BBOF1: variants seen among roughly 807,000 people sequenced by gnomAD.
The protein encoded by BBOF1 is basal body-orientation factor 1.
Under a neutral mutation model 68.0 loss-of-function variants are expected in BBOF1, and 62 were observed. The observed-to-expected ratio is 0.91, with a 90% CI of 0.74 to 1.13. BBOF1 has a LOEUF of 1.13. Ranked by LOEUF, BBOF1 falls within the 50% of genes most tolerant of loss-of-function variation. The probability of loss-of-function intolerance (pLI) is 0.00; values close to 1 mark genes in which losing one functional copy is unlikely to be tolerated. For missense variants in BBOF1, 534 were observed against 600.1 expected (o/e 0.89, Z 1.15); for synonymous variants, 208 against 198.8 (o/e 1.05, Z -0.39).
intron 3 of BBOF1, among the ~76,000 whole-genome samples, chr14:74,033,736 G>C (rs2059630660): frequency 6.6e-6 from 1 of 152,052 alleles, no homozygotes; most frequent in Non-Finnish European, 1.5e-5. Context: ...AATCAGCCAG[G>C]CATGGTGGCG....
At chr14:74,046,475 C>T (rs1434088414) in intron 6 of BBOF1, among the ~76,000 whole-genome samples, 2 of 152,032 alleles carry the variant, frequency 1.3e-5, no homozygotes, top group Admixed American at 6.6e-5. Context: ...CGAGTTCAGG[C>T]GATTCTCATG....
Position 74,065,323 on chromosome 14 carries a change from G to A in BBOF1, c.*624G>A, listed in dbSNP as rs2060443901. ...TTCTGTCTCCAGAACCACAAGAACT[G>A]GACCAAAAATCTCCTCTTTGTAACA... is the stretch of plus-strand genomic sequence containing the variant. On this transcript the variant is annotated 3_prime_UTR_variant, in exon 12 of 12. Transcript: ENST00000394009. 6.2e-7 allele frequency: 1 copy of A among 1,613,904 alleles called. No homozygotes were observed. Among genetic ancestry groups the A allele is most frequent in the African/African-American group, 1.3e-5 (1 of 74,898 alleles).
downstream of BBOF1, among the ~76,000 whole-genome samples, chr14:74,067,957 T>G (rs1438419865): frequency 1.3e-5 from 2 of 149,734 alleles, no homozygotes; most frequent in East Asian, 4.0e-4. Flanking sequence ...AACAGGAATT[T>G]GTTGTCTGCT....
chr14:74,045,465 A>G (rs1777855087), intron 5 of BBOF1, among the ~76,000 whole-genome samples: 1 of 151,256 alleles, frequency 6.6e-6, no homozygotes. Context: ...ATGTGCCACC[A>G]CACTGGGCTA....
At chr14:74,076,713 AT>A (rs979275694) in intron 9 of BBOF1, among the ~76,000 whole-genome samples, 1 of 151,222 alleles carries the variant, frequency 6.6e-6, no homozygotes, top group African/African-American at 2.4e-5. Context: ...ATTTTATTTT[AT>A]TTTTTTTGTA....
intron 3 of BBOF1, 63 bp downstream of exon 3, chr14:74,029,312 G>T: frequency 9.6e-7 from 1 of 1,037,288 alleles, no homozygotes; most frequent in Non-Finnish European, 1.5e-6. Flanking sequence ...GCAAGCTCAG[G>T]TATTTAAGAC....
At chr14:74,082,152 T>A (rs2060674575) in intron 12 of BBOF1, among the ~76,000 whole-genome samples, 1 of 152,064 alleles carries the variant, frequency 6.6e-6, no homozygotes, top group South Asian at 2.1e-4. Flanking sequence ...CTGCTGTGAG[T>A]TGTGATTGCA....
At chr14:74,036,442 G>A (rs1018437659) in intron 4 of BBOF1, among the ~76,000 whole-genome samples, 1 of 152,008 alleles carries the variant, frequency 6.6e-6, no homozygotes, top group Non-Finnish European at 1.5e-5. Context: ...TAGCACTTTG[G>A]GAGTCCAAGG....
rs147441946 is a variant in BBOF1 at position 74,022,211 on chromosome 14, A to T, written c.57-705A>T. Among the ~76,000 whole-genome samples, 846 of 149,718 alleles carry T rather than the reference A, an allele frequency of 5.7e-3. 22 individuals carry two copies. Among genetic ancestry groups the T allele is most frequent in the Admixed American group, 0.042 (633 of 14,998 alleles). On this transcript the variant is annotated intron_variant, in intron 1 of 11. Transcript: ENST00000394009. ...AACATAGTGGGACCCCATCTCTATT[A>T]AAAAAAAAATAAATATGGGAGAATC...
chr14:74,064,965 T>C lies in BBOF1; in HGVS notation c.*266T>C, dbSNP rs1206909725. ...TGTCATATCCTAAGGACAAAGGAACTCTCCATTTAGAAACACAAAGGCATC... is the reference window on the plus strand; with the variant it reads ...TGTCATATCCTAAGGACAAAGGAACCCTCCATTTAGAAACACAAAGGCATC... On this transcript the variant is annotated 3_prime_UTR_variant, in exon 12 of 12. Transcript: ENST00000394009. 1 of 1,565,866 alleles carries C rather than the reference T, an allele frequency of 6.4e-7. No individual in the cohort carries two copies. The highest frequency in any genetic ancestry group is 1.4e-5 in the African/African-American group (1 of 73,882).
intron 1 of BBOF1, among the ~76,000 whole-genome samples, chr14:74,019,855 G>C (rs1453775781): frequency 6.6e-6 from 1 of 152,234 alleles, no homozygotes; most frequent in Admixed American, 6.5e-5. Context: ...AGCCACTGAG[G>C]TGGGTAATGT....
chr14:74,067,615 C>G (rs776066606), downstream of BBOF1: 4 of 1,596,694 alleles, frequency 2.5e-6, no homozygotes, highest in African/African-American at 1.3e-5. Flanking sequence ...TGGCCAAATA[C>G]AACTAAGCTA....
intron 11 of BBOF1, chr14:74,059,150 C>A: frequency 5.4e-6 from 1 of 183,984 alleles, no homozygotes. Flanking sequence ...ACTGTCAAAG[C>A]ATTTTTTTTT....
Position 74,049,688 on chromosome 14 carries a change from C to T in BBOF1, c.793-14C>T, listed in dbSNP as rs775830677. 13 of 1,560,194 alleles carry T rather than the reference C, an allele frequency of 8.3e-6. No homozygotes were observed. Among genetic ancestry groups the T allele is most frequent in the African/African-American group, 1.4e-5 (1 of 72,186 alleles). ...AAAGAAAAAAAAAATCACCTCTCAT[C>T]TTTCTGTTTTTAGGAGATCAATGAT... is the stretch of plus-strand genomic sequence containing the variant. On this transcript the variant is annotated splice_polypyrimidine_tract_variant and intron_variant, in intron 7 of 11. Transcript: ENST00000394009.
At chr14:74,062,838 A>C (rs1222873750) in intron 11 of BBOF1, among the ~76,000 whole-genome samples, 3 of 152,140 alleles carry the variant, frequency 2.0e-5, no homozygotes, top group South Asian at 4.1e-4. Context: ...AAAAGGGGAG[A>C]CTTGTATAAC....
intron 5 of BBOF1, among the ~76,000 whole-genome samples, chr14:74,042,879 G>C (rs200542441): frequency 1.2e-4 from 17 of 143,646 alleles, no homozygotes; most frequent in South Asian, 4.5e-4. Flanking sequence ...CACACACACA[G>C]ACACACACAC....
At chr14:74,047,109 AAAAT>A (rs984649756) in intron 6 of BBOF1, among the ~76,000 whole-genome samples, 1 of 152,218 alleles carries the variant, frequency 6.6e-6, no homozygotes, top group Non-Finnish European at 1.5e-5. Context: ...TGAGTTTATA[AAAAT>A]AAATAAATAG....
intron 5 of BBOF1, among the ~76,000 whole-genome samples, chr14:74,044,475 C>T (rs1349993166): frequency 2.2e-5 from 3 of 135,290 alleles, no homozygotes; most frequent in East Asian, 2.2e-4. Flanking sequence ...AACCTCTTCT[C>T]TTTTTTTTTT....
intron 11 of BBOF1, chr14:74,058,971 C>G (rs537629910): frequency 6.5e-6 from 1 of 154,124 alleles, no homozygotes; most frequent in Non-Finnish European, 1.4e-5. Context: ...GAAATCCCAG[C>G]TACTCAGGAG....
Sources: allele counts gnomAD v4.1 joint callset (sites outside exome capture counted in the v4.1 genomes callset), GRCh38; gene constraint gnomAD v4.1.1; transcripts MANE v1.5; gene names NCBI Gene and HGNC (gene_info 2026-07-23, HGNC 2026-07-21).